Variants in KCNH1 observed in about 807,000 individuals in gnomAD.
The protein encoded by KCNH1 is voltage-gated delayed rectifier potassium channel KCNH1.
Under a neutral mutation model 69.2 loss-of-function variants are expected in KCNH1, and 27 were observed. The observed-to-expected ratio is 0.39, with a 90% CI of 0.29 to 0.54. KCNH1 has a LOEUF of 0.54. KCNH1 is among the 20% of genes least tolerant of loss of function. The pLI, the probability that KCNH1 is intolerant of heterozygous loss-of-function variation, is 0.68. For synonymous variants in KCNH1, 456 were observed against 487.7 expected (o/e 0.93, Z 0.86); for missense variants, 798 against 1,261.6 (o/e 0.63, Z 5.57).
Position 211,133,876 on chromosome 1 carries a change from G to A in KCNH1, c.70C>T (p.Arg24Trp). The A allele has an allele frequency of 1.2e-6, 2 of 1,610,164 alleles. No individual in the cohort carries two copies. The highest frequency in any genetic ancestry group is 1.1e-5 in the South Asian group (1 of 90,498). Reference sequence around the variant, plus strand: ...CGAATGCACCTCTTACCATTGGACCGCCGAACAATATTCTCCAGAAACGTG... The same window carrying A: ...CGAATGCACCTCTTACCATTGGACCACCGAACAATATTCTCCAGAAACGTG... ...QNTFLENIVR[R>W]SNDTNFVLGN... The change falls in exon 1 of 11, where the codon CGG becomes TGG. Residue 24 changes from arginine to tryptophan, a missense_variant. Arg to Trp is a moderately radical substitution (Grantham distance 101). Around this residue, in one of 4 missense-constraint regions of KCNH1, gnomAD observed 266 missense variants for 457.2 expected, o/e 0.58. Transcript: ENST00000271751. This position sits in a 1 kb window ranked among gnomAD's most constrained non-coding sequence, Gnocchi z 5.4.
intron 10 of KCNH1, among the ~76,000 whole-genome samples, chr1:210,735,496 T>C (rs1412995977): frequency 2.0e-5 from 3 of 148,320 alleles, no homozygotes; most frequent in African/African-American, 7.5e-5. Flanking sequence ...GAAGTGTTGA[T>C]AGGTGCCAGG....
chr1:210,962,925 C>T (rs1042508299), intron 6 of KCNH1, among the ~76,000 whole-genome samples: 1 of 150,556 alleles, frequency 6.6e-6, no homozygotes, highest in East Asian at 1.9e-4. Flanking sequence ...GGTAAAGTAT[C>T]GTTTCGTATG....
In KCNH1 at chr1:210,690,851, C is replaced by T. The variant is rs369852306; in HGVS notation, c.2113-6713G>A. Among the ~76,000 whole-genome samples the T allele has an allele frequency of 2.3e-3, 352 of 152,224 alleles. 4 individuals are homozygous for T. Among genetic ancestry groups the T allele is most frequent in the African/African-American group, 8.2e-3 (340 of 41,530 alleles). ...GGGAGCAAAGCACAGCACTGTCCTC[C>T]AGGAGATGCCAGGCTCGGGAGATAC... is the stretch of plus-strand genomic sequence containing the variant. On this transcript the variant is annotated intron_variant, in intron 10 of 10. Coordinates refer to ENST00000271751, the MANE Select transcript of KCNH1 (RefSeq NM_172362.3).
intron 2 of KCNH1, among the ~76,000 whole-genome samples, chr1:211,104,717 A>G (rs1184395090): frequency 6.6e-6 from 1 of 152,236 alleles, no homozygotes; most frequent in Non-Finnish European, 1.5e-5. Context: ...TGCCCACTCC[A>G]GGCCTTCAGA....
At chr1:210,723,601 G>A (rs1357568199) in intron 10 of KCNH1, among the ~76,000 whole-genome samples, 3 of 152,198 alleles carry the variant, frequency 2.0e-5, no homozygotes, top group African/African-American at 7.2e-5. Context: ...AGAGTCTGAG[G>A]ATGATCATGC....
At chr1:210,711,948 C>T (rs1359128777) in intron 10 of KCNH1, among the ~76,000 whole-genome samples, 2 of 152,172 alleles carry the variant, frequency 1.3e-5, no homozygotes, top group Non-Finnish European at 2.9e-5. Flanking sequence ...ACCTAGGTGG[C>T]CACAGTCCCA....
At chr1:210,706,929 A>G (rs1419208624) in intron 10 of KCNH1, among the ~76,000 whole-genome samples, 1 of 152,242 alleles carries the variant, frequency 6.6e-6, no homozygotes, top group Non-Finnish European at 1.5e-5. Flanking sequence ...CCAGACATGT[A>G]CTGAACCCAA....
At chr1:210,830,922 C>G (rs1399257433) in intron 7 of KCNH1, among the ~76,000 whole-genome samples, 1 of 152,178 alleles carries the variant, frequency 6.6e-6, no homozygotes, top group Non-Finnish European at 1.5e-5. Context: ...CAGGGCAACA[C>G]CATTAAGCTT....
intron 7 of KCNH1, among the ~76,000 whole-genome samples, chr1:210,829,112 C>T (rs368418198): frequency 2.0e-5 from 3 of 152,124 alleles, no homozygotes; most frequent in Non-Finnish European, 4.4e-5. Flanking sequence ...GACTGACACA[C>T]GGGGCACTCC....
chr1:210,746,923 A>G (rs1022000139), intron 10 of KCNH1, among the ~76,000 whole-genome samples: 3 of 152,172 alleles, frequency 2.0e-5, no homozygotes, highest in Non-Finnish European at 2.9e-5. Flanking sequence ...AGAATGGGAC[A>G]GAGGAAGGGG....
chr1:211,048,594 A>G (rs1690135484), intron 5 of KCNH1, among the ~76,000 whole-genome samples: 1 of 152,194 alleles, frequency 6.6e-6, no homozygotes, highest in South Asian at 2.1e-4. Context: ...TGACTCAGGA[A>G]TGGAAAACCA....
intron 6 of KCNH1, among the ~76,000 whole-genome samples, chr1:210,927,343 T>G (rs1687593885): frequency 6.6e-6 from 1 of 152,154 alleles, no homozygotes; most frequent in Non-Finnish European, 1.5e-5. Context: ...GGAAAATCTA[T>G]CAGATTAACA....
At chr1:210,794,979 C>T (rs1172847928) in intron 9 of KCNH1, among the ~76,000 whole-genome samples, 4 of 152,186 alleles carry the variant, frequency 2.6e-5, no homozygotes, top group Non-Finnish European at 5.9e-5. Flanking sequence ...TATTTATACA[C>T]AGTTGAATCT....
intron 9 of KCNH1, among the ~76,000 whole-genome samples, chr1:210,787,770 C>T (rs1684131280): frequency 6.6e-6 from 1 of 152,180 alleles, no homozygotes; most frequent in Non-Finnish European, 1.5e-5. Context: ...TGAAAATTTA[C>T]AGACTAATTT....
chr1:210,914,568 T>C (rs1293745256), intron 7 of KCNH1, among the ~76,000 whole-genome samples: 1 of 152,096 alleles, frequency 6.6e-6, no homozygotes, highest in East Asian at 1.9e-4. Flanking sequence ...ACGTAAGTAC[T>C]GTCTCTTCCT....
chr1:210,897,327 C>T (rs572680929), intron 7 of KCNH1, among the ~76,000 whole-genome samples: 21 of 152,166 alleles, frequency 1.4e-4, no homozygotes, highest in South Asian at 8.3e-4. Context: ...ACTAAGTAGG[C>T]GAGGGAGATA....
At chr1:210,806,826 A>ATATATATATAT (rs1558477801) in intron 7 of KCNH1, among the ~76,000 whole-genome samples, 2 of 48,220 alleles carry the variant, frequency 4.1e-5, no homozygotes, top group Non-Finnish European at 9.1e-5. Flanking sequence ...AAAAAAAAAA[A>ATATATATATAT]AAAAAAAAAA....
intron 7 of KCNH1, among the ~76,000 whole-genome samples, chr1:210,909,587 T>G (rs2102547307): frequency 6.6e-6 from 1 of 152,328 alleles, no homozygotes; most frequent in East Asian, 1.9e-4. Flanking sequence ...CCTTCCTGAC[T>G]ATTAAGTAGT....
intron 10 of KCNH1, among the ~76,000 whole-genome samples, chr1:210,759,156 G>GACACACACAC (rs60773247): frequency 0.014 from 2,114 of 148,554 alleles, 48 homozygotes; most frequent in African/African-American, 0.045. Flanking sequence ...CCAAATGATA[G>GACACACACAC]ACACACACAC....
Sources: allele counts gnomAD v4.1 joint callset (sites outside exome capture counted in the v4.1 genomes callset), GRCh38; gene constraint gnomAD v4.1.1; regional missense constraint gnomAD v4.1.1; non-coding constraint Gnocchi (gnomAD v3.1); transcripts MANE v1.5; gene names NCBI Gene and HGNC (gene_info 2026-07-23, HGNC 2026-07-21).